The following ENOSF1 variants were observed in gnomAD, a reference collection of about 807,000 sequenced individuals.
ENOSF1 encodes the protein mitochondrial enolase superfamily member 1.
Under a neutral mutation model 68.2 loss-of-function variants are expected in ENOSF1, and 73 were observed. That is an observed-to-expected ratio of 1.07 (90% confidence interval 0.89 to 1.30). The LOEUF is 1.30. Among genes scored for constraint, ENOSF1 ranks in the 50% most tolerant of loss-of-function variants. The pLI is 0.00. For missense variants in ENOSF1, 589 were observed against 554.5 expected, an observed-to-expected ratio of 1.06 and a Z score of -0.62; for synonymous variants, 223 against 210.4, an observed-to-expected ratio of 1.06 and a Z score of -0.52.
chr18:675,478 G>A (rs2075397713), intron 14 of ENOSF1, 76 bp from the exon 15 acceptor site: 2 of 1,263,978 alleles, frequency 1.6e-6, no homozygotes, highest in Admixed American at 3.9e-5. Flanking sequence ...TAAAGCAGAA[G>A]GAGCGAGTAC....
chr18:705,999 ACT>A (rs905892369), intron 2 of ENOSF1, among the ~76,000 whole-genome samples: 14 of 151,928 alleles, frequency 9.2e-5, no homozygotes, highest in African/African-American at 3.4e-4. Flanking sequence ...ACAGAGTGAG[ACT>A]CTGTCTCAAA....
intron 15 of ENOSF1, among the ~76,000 whole-genome samples, chr18:674,692 G>T (rs975656071): frequency 3.9e-5 from 6 of 151,902 alleles, no homozygotes; most frequent in Admixed American, 1.3e-4. Context: ...CTAATTTTTT[G>T]TATTTTTTGT....
At chr18:704,440 G>GAAAAAAAAAAAAAAA (rs11429267) in intron 2 of ENOSF1, among the ~76,000 whole-genome samples, 1 of 97,250 alleles carries the variant, frequency 1.0e-5, no homozygotes, top group Non-Finnish European at 2.0e-5. Flanking sequence ...AAAAAGAAAA[G>GAAAAAAAAAAAAAAA]AAAAAAAAAA....
In ENOSF1 at chr18:672,832, C is replaced by CA. The variant is rs1263812811; in HGVS notation, c.*1472dup. ...ATTACAACAGGTCGTACAATTATGG[C>CA]AAAATAATGGCCTTATTTTGTTTTT... On this transcript the variant is annotated 3_prime_UTR_variant, in exon 16 of 16. Transcript: ENST00000647584. 1 of 1,540,790 alleles carries CA rather than the reference C, an allele frequency of 6.5e-7. No individual in the cohort carries two copies. Among genetic ancestry groups the CA allele is most frequent in the African/African-American group, 1.4e-5 (1 of 73,726 alleles).
intron 11 of ENOSF1, chr18:682,884 A>G (rs774041160): frequency 8.9e-5 from 10 of 112,492 alleles, no homozygotes; most frequent in Non-Finnish European, 1.6e-4. Flanking sequence ...CTCTATCTCA[A>G]AACAAAACAA....
downstream of ENOSF1, among the ~76,000 whole-genome samples, chr18:667,412 T>G (rs796899991): frequency 2.7e-4 from 1 of 3,758 alleles, no homozygotes; most frequent in Non-Finnish European, 5.4e-4. Context: ...ATGGTGATGG[T>G]GATGGTGATG....
In ENOSF1 at chr18:683,492, AC is replaced by A. The variant is rs897626652; in HGVS notation, c.742-113del. 26 of 1,290,042 alleles carry A rather than the reference AC, an allele frequency of 2.0e-5. 1 individual carries two copies. The highest frequency in any genetic ancestry group is 1.9e-4 in the East Asian group (8 of 42,344). The allele number at this position is 1,290,042 out of a possible 1,614,324, so 79.9% of individuals were successfully genotyped here. ...TCAGTGCCACCAACAGCTGAGTGAGACCCCCTAACGCCTCTGCTGAGGCCCA... is the reference window on the plus strand; with the variant it reads ...TCAGTGCCACCAACAGCTGAGTGAGACCCCTAACGCCTCTGCTGAGGCCCA... On this transcript the variant is annotated intron_variant, in intron 10 of 15. Transcript: ENST00000647584.
chr18:688,375 A>G (rs1426340658), intron 9 of ENOSF1, 199 bp downstream of exon 9: 6 of 588,032 alleles, frequency 1.0e-5, no homozygotes, highest in East Asian at 2.9e-5. Context: ...CTGATGGCCT[A>G]TAATTCTAAT....
Position 685,970 on chromosome 18 carries a change from A to G in ENOSF1, c.692T>C (p.Met231Thr). Residue 231 changes from methionine (M) to threonine (T), a missense_variant, in exon 10 of 16, where the codon ATG (methionine) becomes ACG (threonine). Coordinates refer to ENST00000647584, the MANE Select transcript of ENOSF1 (RefSeq NM_017512.7). The part of the protein sequence containing the change: ...VKVGADLQDD[M>T]RRCQIIRDMI... ...GTCTCGGATGATTTGGCATCTTCGC[A>G]TGTCATCCTGGAGATCAGCACCCAC... 6.2e-7 allele frequency: 1 copy of G among 1,614,114 alleles called. No homozygotes were observed. The highest frequency in any genetic ancestry group is 1.1e-5 in the South Asian group (1 of 91,086).
At chr18:704,006 G>A (rs1254428552) in intron 2 of ENOSF1, among the ~76,000 whole-genome samples, 1 of 152,128 alleles carries the variant, frequency 6.6e-6, no homozygotes, top group African/African-American at 2.4e-5. Context: ...TACCATGATT[G>A]TAAGTGTCCT....
chr18:694,535 AGAG>A (rs1486089440), intron 3 of ENOSF1, among the ~76,000 whole-genome samples: 2 of 151,832 alleles, frequency 1.3e-5, no homozygotes, highest in South Asian at 2.1e-4. Flanking sequence ...GGCTGAGGCA[AGAG>A]GATCTCTCGA....
intron 8 of ENOSF1, 70 bp from the exon 9 acceptor site, chr18:688,678 CTGA>C (rs776513030): frequency 2.9e-6 from 4 of 1,377,316 alleles, no homozygotes; most frequent in Non-Finnish European, 4.1e-6. Context: ...TCAGTCATTG[CTGA>C]TCTGTTTCAC....
At chr18:708,023 C>CA (rs1185299503) in intron 1 of ENOSF1, among the ~76,000 whole-genome samples, 1 of 137,574 alleles carries the variant, frequency 7.3e-6, no homozygotes, top group Non-Finnish European at 1.6e-5. Flanking sequence ...CTATGACCAG[C>CA]TTTTTTTTTT....
At chr18:708,350 T>C (rs1049202218) in intron 1 of ENOSF1, among the ~76,000 whole-genome samples, 3 of 151,990 alleles carry the variant, frequency 2.0e-5, no homozygotes, top group African/African-American at 7.2e-5. Context: ...CAGATACGTC[T>C]GCCCTTGAGG....
chr18:683,461 T>C, intron 10 of ENOSF1, 81 bp from the exon 11 acceptor site: 1 of 1,533,560 alleles, frequency 6.5e-7, no homozygotes, highest in East Asian at 2.3e-5. Context: ...GAGGAAATGC[T>C]GTCACTCAGT....
At chr18:702,392 T>G (rs1052694117) in intron 2 of ENOSF1, among the ~76,000 whole-genome samples, 1 of 150,314 alleles carries the variant, frequency 6.7e-6, no homozygotes, top group African/African-American at 2.5e-5. Flanking sequence ...GGCCAACATA[T>G]AGTGAAACCC....
At chr18:689,479 A>G (rs191464632) in intron 8 of ENOSF1, among the ~76,000 whole-genome samples, 3 of 152,178 alleles carry the variant, frequency 2.0e-5, no homozygotes, top group Admixed American at 2.0e-4. Context: ...ACGGGGTTTC[A>G]CCATGTTGGC....
At chr18:670,224 C>G (rs1332530260), downstream of ENOSF1, 1 of 153,534 alleles carries the variant, frequency 6.5e-6, no homozygotes, top group Non-Finnish European at 1.4e-5. Flanking sequence ...CGGGGTTTCA[C>G]TATGTTGGCC....
At chr18:665,732 T>G, downstream of ENOSF1, among the ~76,000 whole-genome samples, 1 of 97,196 alleles carries the variant, frequency 1.0e-5, no homozygotes, top group Admixed American at 8.7e-5. Context: ...TCTCGTTGGT[T>G]TCAAAGAACA....
Sources: gnomAD v4.1 joint callset for allele counts (sites outside exome capture counted in the v4.1 genomes callset) on GRCh38, gnomAD v4.1.1 for gene constraint, MANE v1.5 for transcripts, NCBI Gene and HGNC (gene_info 2026-07-23, HGNC 2026-07-21) for gene names.